TCF4: variants seen among roughly 807,000 people sequenced by gnomAD.
TCF4 encodes transcription factor 4.
Under a neutral mutation model 82.1 loss-of-function variants are expected in TCF4, and 3 were observed. The observed-to-expected ratio is 0.04, with a 90% CI of 0.02 to 0.09. TCF4 has a LOEUF of 0.09. Ranked by LOEUF, TCF4 falls within the 10% of genes least tolerant of loss-of-function variation. The pLI is 1.00. For synonymous variants in TCF4, 276 were observed against 309.6 expected (o/e 0.89, Z 1.14); for missense variants, 518 against 852.7 (o/e 0.61, Z 4.89).
At chr18:55,428,926 G>A (rs2095087224) in intron 5 of TCF4, among the ~76,000 whole-genome samples, 3 of 151,914 alleles carry the variant, frequency 2.0e-5, no homozygotes, top group Non-Finnish European at 4.4e-5. Flanking sequence ...AGGAGGAGAA[G>A]ATATATAACA....
At chr18:55,621,636 TTATATAATATAC>T (rs1391292935) in intron 2 of TCF4, among the ~76,000 whole-genome samples, 1 of 21,950 alleles carries the variant, frequency 4.6e-5, no homozygotes, top group Non-Finnish European at 6.4e-5. Flanking sequence ...AATATATATA[TTATATAATATAC>T]ATTATATAAT....
chr18:55,255,510 T>C (rs1276497313), intron 14 of TCF4, among the ~76,000 whole-genome samples: 3 of 152,170 alleles, frequency 2.0e-5, no homozygotes, highest in Non-Finnish European at 2.9e-5. Flanking sequence ...TTTTCACAAC[T>C]AGACAATGCG....
chr18:55,306,124 G>A (rs1218748969), intron 8 of TCF4, among the ~76,000 whole-genome samples: 1 of 152,090 alleles, frequency 6.6e-6, no homozygotes, highest in Non-Finnish European at 1.5e-5. Context: ...ACTGAAATTG[G>A]GAAGTGAATT....
chr18:55,603,738 T>G (rs906306175), intron 2 of TCF4, among the ~76,000 whole-genome samples: 6 of 152,090 alleles, frequency 3.9e-5, no homozygotes, highest in African/African-American at 1.4e-4. Context: ...AGGGAAAACA[T>G]GTACACAGAA....
chr18:55,465,218 C>T (rs2095986043), intron 3 of TCF4, among the ~76,000 whole-genome samples: 1 of 152,168 alleles, frequency 6.6e-6, no homozygotes. Context: ...TGTTTCCTCA[C>T]ATTTCAGTGA....
intron 5 of TCF4, among the ~76,000 whole-genome samples, chr18:55,427,087 A>C (rs2095022344): frequency 6.6e-6 from 1 of 152,192 alleles, no homozygotes; most frequent in South Asian, 2.1e-4. Context: ...AAGGGGGAAA[A>C]AAACTTTAAA....
intron 5 of TCF4, among the ~76,000 whole-genome samples, chr18:55,427,898 A>T (rs2095051760): frequency 1.3e-5 from 2 of 152,228 alleles, no homozygotes; most frequent in Admixed American, 6.5e-5. Flanking sequence ...ATACTTAACT[A>T]GGTGTAATTT....
chr18:55,629,682 G>A lies in TCF4; in HGVS notation c.286+1616C>T, dbSNP rs190349936. On this transcript the variant is annotated intron_variant, in intron 2 of 20. Coordinates refer to the TCF4 transcript ENST00000398339. ...CTATAGTATTGTGCTTGAAGCCAGC[G>A]TAGAAACTACAAAGCTGTTCTTCGT... Among the ~76,000 whole-genome samples, 585 of 152,246 alleles carry A rather than the reference G, an allele frequency of 3.8e-3. 3 individuals are homozygous for A. Among genetic ancestry groups the A allele is most frequent in the Middle Eastern group, 0.01 (3 of 294 alleles).
intron 5 of TCF4, among the ~76,000 whole-genome samples, chr18:55,442,052 G>A (rs1308774121): frequency 6.6e-6 from 1 of 152,056 alleles, no homozygotes; most frequent in Non-Finnish European, 1.5e-5. Context: ...AACTTAGCAG[G>A]CAATGTATTT....
At chr18:55,334,162 C>T (rs1474388094) in intron 8 of TCF4, among the ~76,000 whole-genome samples, 3 of 151,980 alleles carry the variant, frequency 2.0e-5, no homozygotes, top group African/African-American at 4.8e-5. Flanking sequence ...GACTAAACTG[C>T]TAATTCAAAT....
chr18:55,478,251 G>C (rs1444233499), intron 3 of TCF4, among the ~76,000 whole-genome samples: 1 of 152,204 alleles, frequency 6.6e-6, no homozygotes, highest in African/African-American at 2.4e-5. Context: ...GGAAAAAGCC[G>C]TGCCTGCCAA....
chr18:55,396,956 TA>T (rs2093534335), intron 6 of TCF4, among the ~76,000 whole-genome samples: 1 of 152,196 alleles, frequency 6.6e-6, no homozygotes, highest in East Asian at 1.9e-4. Context: ...GATGGAATTT[TA>T]AAAGAATCAC....
intron 15 of TCF4, among the ~76,000 whole-genome samples, chr18:55,237,723 C>G (rs1216758140): frequency 1.3e-5 from 2 of 152,156 alleles, no homozygotes; most frequent in East Asian, 3.9e-4. Context: ...TAATAATGAG[C>G]TTGATTCTCC....
At chr18:55,561,392 C>T (rs978984691) in intron 3 of TCF4, among the ~76,000 whole-genome samples, 2 of 152,158 alleles carry the variant, frequency 1.3e-5, no homozygotes, top group African/African-American at 4.8e-5. Flanking sequence ...TCAACACAGA[C>T]CTCCACACAT....
At chr18:55,534,653 G>C (rs1038333833) in intron 3 of TCF4, among the ~76,000 whole-genome samples, 5 of 152,142 alleles carry the variant, frequency 3.3e-5, no homozygotes, top group Non-Finnish European at 5.9e-5. Context: ...ACTGCTCTTT[G>C]TACAAGCAAA....
At chr18:55,618,323 AGT>A (rs2097714214) in intron 2 of TCF4, among the ~76,000 whole-genome samples, 1 of 152,126 alleles carries the variant, frequency 6.6e-6, no homozygotes, top group South Asian at 2.1e-4. Context: ...ATTTGGTCTT[AGT>A]GTGTGATCTT....
chr18:55,468,170 G>A (rs963696914), intron 3 of TCF4, among the ~76,000 whole-genome samples: 3 of 152,110 alleles, frequency 2.0e-5, no homozygotes, highest in Admixed American at 1.3e-4. Context: ...CAAAATATAC[G>A]AAATCAATAT....
At chr18:55,447,539 C>A (rs1425255242) in intron 5 of TCF4, among the ~76,000 whole-genome samples, 1 of 152,048 alleles carries the variant, frequency 6.6e-6, no homozygotes, top group East Asian at 1.9e-4. Flanking sequence ...AAAGTACTTG[C>A]TGGGTGAATG....
At chr18:55,494,965 T>TA (rs138885827) in intron 3 of TCF4, among the ~76,000 whole-genome samples, 29,847 of 142,404 alleles carry the variant, frequency 0.21, 3,302 homozygotes, top group Non-Finnish European at 0.27. Context: ...AGCCTTTCTT[T>TA]AAAAAAAAAA....
Sources: gnomAD v4.1 joint callset for allele counts (sites outside exome capture counted in the v4.1 genomes callset) on GRCh38, gnomAD v4.1.1 for gene constraint, MANE v1.5 for transcripts, NCBI Gene and HGNC (gene_info 2026-07-23, HGNC 2026-07-21) for gene names.